Variants in MCF2 observed in about 807,000 individuals in gnomAD.
The protein encoded by MCF2 is MCF.2 cell line derived transforming sequence.
In MCF2, 44 loss-of-function variants were observed where a neutral mutation model predicts 82.5. That is an observed-to-expected ratio of 0.53 (90% CI 0.42 to 0.69). The LOEUF is 0.69. Among genes scored for constraint, MCF2 ranks in the 30% least tolerant of loss-of-function variants. MCF2 has a pLI of 0.00. For synonymous variants in MCF2, 217 were observed against 224.9 expected (o/e 0.96, Z 0.32); for missense variants, 623 against 663.1 (o/e 0.94, Z 0.66).
In MCF2 at chrX:139,686,487, A is replaced by G. The variant is rs530292053; in HGVS notation, c.-45+21619T>C. 2.7e-5 allele frequency among the ~76,000 whole-genome samples: 3 copies of G among 109,981 alleles called. No individual in the cohort carries two copies. In the South Asian group the frequency reaches 1.2e-3, roughly 44 times the overall value. Reference sequence around the variant, plus strand: ...CAGTGAGCTGAGATTGTGCCACTGCATGCCAGCTTGGGTGATAGAGTGAGA... The same window carrying G: ...CAGTGAGCTGAGATTGTGCCACTGCGTGCCAGCTTGGGTGATAGAGTGAGA... On this transcript the variant is annotated intron_variant, in intron 1 of 27. Transcript: ENST00000414978.
At chrX:139,610,862 G>A (rs752744828) in intron 10 of MCF2, among the ~76,000 whole-genome samples, 5 of 111,294 alleles carry the variant, frequency 4.5e-5, no homozygotes, top group Non-Finnish European at 7.5e-5. Context: ...TTCTAGATAA[G>A]GAATTAAGGT....
At chrX:139,631,494 T>C in exon 3 of MCF2, 4 of 1,191,424 alleles carry the variant, frequency 3.4e-6, no homozygotes, top group Non-Finnish European at 4.6e-6. Context: ...AATCACTAAC[T>C]GAGCTCAGCA....
chrX:139,615,133 T>C, intron 9 of MCF2, 81 bp from the exon 13 acceptor site: 3 of 704,515 alleles, frequency 4.3e-6, no homozygotes, highest in Non-Finnish European at 6.4e-6. Flanking sequence ...CAGACTCAGA[T>C]GGTCAAAAAA....
intron 1 of MCF2, among the ~76,000 whole-genome samples, chrX:139,662,386 G>T (rs189818181): frequency 1.8e-5 from 2 of 110,559 alleles, no homozygotes; most frequent in Non-Finnish European, 3.8e-5. Context: ...AAATACAAGG[G>T]AGCCAAATTA....
chrX:139,654,582 A>T (rs957120448), intron 1 of MCF2, among the ~76,000 whole-genome samples: 2 of 111,801 alleles, frequency 1.8e-5, no homozygotes, highest in Admixed American at 9.5e-5. Context: ...ATTTTCTTTC[A>T]TTCTGTGAAT....
rs750229656 is a variant in MCF2, at chrX:139,668,875, G to GTATATA, written c.-44-17093_-44-17088dup. ...ATATCTACATATGTCATATATATAT[G>GTATATA]TATATATATAAAAATTAACTAAAAG... On this transcript the variant is annotated intron_variant, in intron 1 of 27. Coordinates refer to the MCF2 transcript ENST00000414978. Among the ~76,000 whole-genome samples, 236 of 110,561 alleles carry GTATATA rather than the reference G, an allele frequency of 2.1e-3. 1 individual carries two copies. The highest frequency in any genetic ancestry group is 3.6e-3 in the Non-Finnish European group (188 of 52,873).
intron 18 of MCF2, 111 bp downstream of exon 22, chrX:139,597,349 T>A (rs1930190026): frequency 1.7e-6 from 1 of 580,443 alleles, no homozygotes; most frequent in Non-Finnish European, 2.9e-6. Context: ...AACATTTTGA[T>A]CTCCAGTTAT....
At chrX:139,615,102 T>TA (rs764977732) in intron 9 of MCF2, 50 bp from the exon 13 acceptor site, 12 of 960,530 alleles carry the variant, frequency 1.2e-5, no homozygotes, top group Non-Finnish European at 1.8e-5. Flanking sequence ...ATGAGGTCAT[T>TA]ACAAACCCCA....
intron 19 of MCF2, among the ~76,000 whole-genome samples, chrX:139,595,763 T>A (rs769397452): frequency 9.1e-5 from 10 of 109,713 alleles, no homozygotes; most frequent in Admixed American, 5.8e-4. Context: ...TAAAAAAAAA[T>A]TTAAAATTCA....
exon 8 of MCF2, chrX:139,617,677 T>C: frequency 1.7e-6 from 2 of 1,190,042 alleles, no homozygotes; most frequent in Non-Finnish European, 2.3e-6. Context: ...CCATGTAATA[T>C]CACAAACTGG....
intron 1 of MCF2, among the ~76,000 whole-genome samples, chrX:139,676,836 C>T (rs5953550): frequency 0.026 from 2,927 of 111,890 alleles, 98 homozygotes; most frequent in African/African-American, 0.09. Context: ...ATGCTTGTTA[C>T]AGAGGGTAGC....
At chrX:139,688,000 G>A (rs1218826448) in intron 1 of MCF2, among the ~76,000 whole-genome samples, 2 of 111,733 alleles carry the variant, frequency 1.8e-5, no homozygotes, top group Non-Finnish European at 3.8e-5. Context: ...ACTCAGAGAA[G>A]GCAATGGAGG....
At chrX:139,633,350 G>A (rs147848172) in intron 1 of MCF2, among the ~76,000 whole-genome samples, 1,752 of 111,624 alleles carry the variant, frequency 0.016, 43 homozygotes, top group East Asian at 0.16. Context: ...AAATCACCAC[G>A]TACTAAATGC....
At chrX:139,680,212 C>T (rs1317481866) in intron 1 of MCF2, among the ~76,000 whole-genome samples, 1 of 111,855 alleles carries the variant, frequency 8.9e-6, no homozygotes, top group East Asian at 2.8e-4. Context: ...CAGCCTCAAA[C>T]TCCTAGGCTC....
At chrX:139,659,290 A>T (rs1042454288) in intron 1 of MCF2, among the ~76,000 whole-genome samples, 4 of 110,965 alleles carry the variant, frequency 3.6e-5, no homozygotes, top group African/African-American at 1.3e-4. Flanking sequence ...CGTCTAAAAA[A>T]AAAAATAAAA....
At chrX:139,631,495 G>A in exon 3 of MCF2, 1 of 1,188,610 alleles carries the variant, frequency 8.4e-7, no homozygotes, top group Non-Finnish European at 1.1e-6. Context: ...ATCACTAACT[G>A]AGCTCAGCAT....
intron 1 of MCF2, among the ~76,000 whole-genome samples, chrX:139,680,235 C>T (rs964412640): frequency 1.8e-5 from 2 of 111,817 alleles, no homozygotes; most frequent in East Asian, 2.8e-4. Context: ...GCGATCCTCC[C>T]GCCTAAGCCT....
chrX:139,617,442 C>T, intron 8 of MCF2, 71 bp downstream of exon 11: 4 of 865,102 alleles, frequency 4.6e-6, no homozygotes, highest in Non-Finnish European at 6.3e-6. Context: ...GGGCAAGGTG[C>T]TTCAGGCTAG....
exon 20 of MCF2, chrX:139,589,884 C>A (rs780887382): frequency 8.4e-7 from 1 of 1,195,991 alleles, no homozygotes. Flanking sequence ...TTCAAACTTG[C>A]GGTTATCACC....
Sources: gnomAD v4.1 joint callset for allele counts (sites outside exome capture counted in the v4.1 genomes callset) on GRCh38, gnomAD v4.1.1 for gene constraint, MANE v1.5 for transcripts, NCBI Gene and HGNC (gene_info 2026-07-23, HGNC 2026-07-21) for gene names.